MBOAT2: variants seen among roughly 807,000 people sequenced by gnomAD.
The protein encoded by MBOAT2 is membrane-bound glycerophospholipid O-acyltransferase 2.
A neutral mutation model predicts 63.4 loss-of-function variants in MBOAT2; 28 were observed. The ratio of observed to expected loss-of-function variants is 0.44; its 90% CI spans 0.33 to 0.61. MBOAT2 has a LOEUF of 0.61. Among genes scored for constraint, MBOAT2 ranks in the 20% least tolerant of loss-of-function variants. The pLI is 0.03. For missense variants in MBOAT2, 470 were observed against 605.8 expected (o/e 0.78, Z 2.35); for synonymous variants, 211 against 215.6 (o/e 0.98, Z 0.19).
intron 8 of MBOAT2, among the ~76,000 whole-genome samples, chr2:8,869,943 G>C (rs1270134937): frequency 6.6e-6 from 1 of 152,132 alleles, no homozygotes; most frequent in Non-Finnish European, 1.5e-5. Flanking sequence ...GATTGGCCCA[G>C]GGTATGGTCA....
In MBOAT2 at chr2:8,887,998, A is replaced by C. The variant is rs1197198398; in HGVS notation, c.451+20T>G. 2 of 1,605,740 alleles carry C rather than the reference A, an allele frequency of 1.2e-6. No homozygotes were observed. The highest frequency in any genetic ancestry group is 3.4e-5 in the Admixed American group (2 of 59,700). On this transcript the variant is annotated intron_variant, in intron 5 of 12. Transcript: ENST00000305997. ...GAATTAAATTTTTTCAGCAATAAAA[A>C]TTAATTTCAGAATTCTTACCATCAT...
In MBOAT2 at chr2:8,943,188, T is replaced by C. The variant is rs573728551; in HGVS notation, c.298A>G (p.Asn100Asp). The C allele has an allele frequency of 7.8e-6, 12 of 1,532,840 alleles. No individual in the cohort carries two copies. In the South Asian group the frequency reaches 1.5e-4, roughly 20 times the overall value. The allele number at this position is 1,532,840 out of a possible 1,614,324, so 95.0% of individuals were successfully genotyped here. A position where few individuals can be genotyped will look rare whatever the true frequency, so the allele number is the denominator to read the frequency against. The stretch of plus-strand genomic sequence containing the variant: ...CATGTGAACAAAGTGAATACTTACT[T>C]GTGCATGTTCTCCACTCCTATGATG... ...MIIIGVENMH[N>D]YCFVFALGYL... Residue 100 changes from asparagine to aspartate, a missense_variant and splice_region_variant, in exon 3 of 13, where the codon AAT (asparagine) becomes GAT (aspartate). Coordinates refer to ENST00000305997, the MANE Select transcript of MBOAT2 (RefSeq NM_138799.4).
intron 2 of MBOAT2, among the ~76,000 whole-genome samples, chr2:8,948,401 A>G (rs1382420605): frequency 6.6e-6 from 1 of 152,184 alleles, no homozygotes; most frequent in East Asian, 1.9e-4. Context: ...GGTATATTCC[A>G]TAATGATGAG....
chr2:8,914,806 T>C (rs1666029611), intron 3 of MBOAT2, among the ~76,000 whole-genome samples: 1 of 152,084 alleles, frequency 6.6e-6, no homozygotes, highest in African/African-American at 2.4e-5. Flanking sequence ...AAAACAAAAA[T>C]TGTTTTCATT....
At position 8,888,078 on chromosome 2, in the gene MBOAT2, G is replaced by T; in HGVS notation, c.396-5C>A. On this transcript the variant is annotated splice_polypyrimidine_tract_variant and splice_region_variant and intron_variant, in intron 4 of 12. Coordinates refer to ENST00000305997, the MANE Select transcript of MBOAT2 (RefSeq NM_138799.4). ...TGAGTAATGATCATCATTGGGCTGT[G>T]ACAAGATAAAAAAAATTAGTGTTTT... 1.2e-6 allele frequency: 2 copies of T among 1,608,454 alleles called. No individual in the cohort carries two copies. Among genetic ancestry groups the T allele is most frequent in the South Asian group, 2.2e-5 (2 of 89,476 alleles).
At chr2:8,868,419 T>C (rs773469960) in intron 9 of MBOAT2, 27 bp downstream of exon 9, 2 of 1,582,664 alleles carry the variant, frequency 1.3e-6, no homozygotes, top group East Asian at 4.5e-5. Context: ...AAGTATATAG[T>C]AACTAACTTC....
chr2:8,909,884 A>C (rs1214585053), intron 3 of MBOAT2, among the ~76,000 whole-genome samples: 3 of 152,190 alleles, frequency 2.0e-5, no homozygotes, highest in Non-Finnish European at 4.4e-5. Flanking sequence ...CCAAAACAGT[A>C]TCTCCCATTT....
intron 4 of MBOAT2, among the ~76,000 whole-genome samples, chr2:8,906,951 T>C (rs1319987954): frequency 1.3e-5 from 2 of 152,182 alleles, no homozygotes; most frequent in Non-Finnish European, 2.9e-5. Context: ...ACCTAGAACC[T>C]CATCTGCTGA....
intron 3 of MBOAT2, among the ~76,000 whole-genome samples, chr2:8,914,111 T>TA (rs549107227): frequency 3.6e-4 from 54 of 152,106 alleles, no homozygotes; most frequent in Non-Finnish European, 6.0e-4. Flanking sequence ...ATGTGGGAGC[T>TA]AAGCTATGAG....
At chr2:8,859,321 C>T (rs1372528988) in intron 12 of MBOAT2, among the ~76,000 whole-genome samples, 1 of 152,174 alleles carries the variant, frequency 6.6e-6, no homozygotes, top group Non-Finnish European at 1.5e-5. Context: ...TATTTACTGT[C>T]TCTAAGTTAC....
chr2:8,966,270 T>C (rs1669976929), intron 1 of MBOAT2, among the ~76,000 whole-genome samples: 1 of 152,250 alleles, frequency 6.6e-6, no homozygotes, highest in Non-Finnish European at 1.5e-5. Context: ...CATGTGGCTA[T>C]GAGCACTTAT....
chr2:8,878,167 A>C (rs562559740), intron 6 of MBOAT2, among the ~76,000 whole-genome samples: 4 of 152,260 alleles, frequency 2.6e-5, no homozygotes, highest in East Asian at 3.9e-4. Flanking sequence ...TGTGAGGTGG[A>C]GGAGAAAAGG....
chr2:8,864,130 C>A, intron 10 of MBOAT2, 40 bp downstream of exon 10: 1 of 1,419,826 alleles, frequency 7.0e-7, no homozygotes, highest in South Asian at 1.3e-5. Context: ...GAGAACTAGA[C>A]GCCAAAGCAC....
chr2:8,998,187 A>G (rs1249836594), intron 1 of MBOAT2, among the ~76,000 whole-genome samples: 5 of 152,214 alleles, frequency 3.3e-5, no homozygotes, highest in African/African-American at 4.8e-5. Flanking sequence ...AACTGACAGG[A>G]GCTAAAACAC....
chr2:9,000,469 C>T (rs1484016249), intron 1 of MBOAT2, among the ~76,000 whole-genome samples: 1 of 152,218 alleles, frequency 6.6e-6, no homozygotes. Flanking sequence ...CTTCAAAGAA[C>T]AACTTATTAT....
intron 1 of MBOAT2, among the ~76,000 whole-genome samples, chr2:8,986,846 A>AC (rs781601045): frequency 1.5e-4 from 23 of 151,974 alleles, no homozygotes; most frequent in Non-Finnish European, 2.9e-4. Flanking sequence ...ACGCGAGCAC[A>AC]CCCCCAAGTG....
At chr2:8,918,694 GAATTAA>G (rs1442330695) in intron 3 of MBOAT2, among the ~76,000 whole-genome samples, 3 of 152,240 alleles carry the variant, frequency 2.0e-5, no homozygotes, top group Non-Finnish European at 4.4e-5. Flanking sequence ...AAGGAACAGT[GAATTAA>G]GGAGCTGTTA....
At chr2:8,951,369 T>C (rs1668823760) in intron 2 of MBOAT2, among the ~76,000 whole-genome samples, 3 of 152,168 alleles carry the variant, frequency 2.0e-5, no homozygotes, top group Non-Finnish European at 4.4e-5. Context: ...CACACCTGGC[T>C]AATTTTTGTG....
chr2:8,912,869 G>C (rs1188383462), intron 3 of MBOAT2, among the ~76,000 whole-genome samples: 1 of 152,074 alleles, frequency 6.6e-6, no homozygotes, highest in East Asian at 1.9e-4. Context: ...AACCAAAAAA[G>C]AGCCCGCATA....
Sources: allele counts gnomAD v4.1 joint callset (sites outside exome capture counted in the v4.1 genomes callset), GRCh38; gene constraint gnomAD v4.1.1; transcripts MANE v1.5; gene names NCBI Gene and HGNC (gene_info 2026-07-23, HGNC 2026-07-21).